The following GMDS variants were observed in gnomAD, a reference collection of about 807,000 sequenced individuals.
GMDS encodes GDP-mannose 4,6-dehydratase, also known as GDP-mannose 4,6 dehydratase.
Under a neutral mutation model 49.9 loss-of-function variants are expected in GMDS, and 20 were observed. That is an observed-to-expected ratio of 0.40 (90% confidence interval 0.28 to 0.58). The LOEUF (loss-of-function observed/expected upper bound fraction) is 0.58, where lower values mean the gene tolerates loss of function less well. Among genes scored for constraint, GMDS ranks in the 20% least tolerant of loss-of-function variants. GMDS has a pLI of 0.42. For synonymous variants in GMDS, 177 were observed against 178.6 expected (o/e 0.99, Z 0.07); for missense variants, 362 against 481.4 (o/e 0.75, Z 2.32).
chr6:1,654,435 GAAGACA>G (rs1763807338), intron 9 of GMDS, among the ~76,000 whole-genome samples: 1 of 152,222 alleles, frequency 6.6e-6, no homozygotes, highest in African/African-American at 2.4e-5. Flanking sequence ...CCTTAAGGAG[GAAGACA>G]ATTTTGACAC....
chr6:1,666,622 C>T (rs1764247162), intron 9 of GMDS, among the ~76,000 whole-genome samples: 1 of 152,144 alleles, frequency 6.6e-6, no homozygotes, highest in Admixed American at 6.5e-5. Context: ...GTGGTGTGAT[C>T]ACTAATGGAA....
At chr6:1,683,022 C>T (rs1304711398) in intron 9 of GMDS, among the ~76,000 whole-genome samples, 2 of 72,364 alleles carry the variant, frequency 2.8e-5, no homozygotes, top group Non-Finnish European at 7.8e-5. Context: ...AAACCACGCA[C>T]GTGGGTGAGC....
At chr6:1,738,206 TACAC>T (rs756223878) in intron 8 of GMDS, among the ~76,000 whole-genome samples, 128 of 151,182 alleles carry the variant, frequency 8.5e-4, no homozygotes, top group African/African-American at 2.8e-3. Flanking sequence ...CACACACACA[TACAC>T]ACACACAGAT....
At chr6:1,816,398 G>A (rs9378314) in intron 7 of GMDS, among the ~76,000 whole-genome samples, 28,749 of 152,076 alleles carry the variant, frequency 0.19, 3,571 homozygotes, top group African/African-American at 0.35. Flanking sequence ...TTTATGACTG[G>A]ATTCCAATTT....
intron 1 of GMDS, among the ~76,000 whole-genome samples, chr6:2,181,012 A>G (rs56913552): frequency 0.11 from 16,558 of 151,772 alleles, 2,993 homozygotes; most frequent in African/African-American, 0.38. Context: ...CTAAAAATAC[A>G]AAAAATTAGC....
intron 9 of GMDS, among the ~76,000 whole-genome samples, chr6:1,666,533 A>G (rs898606584): frequency 6.6e-6 from 1 of 152,302 alleles, no homozygotes; most frequent in South Asian, 2.1e-4. Context: ...TATACACTCA[A>G]TGATCCAAAG....
intron 7 of GMDS, among the ~76,000 whole-genome samples, chr6:1,824,978 C>A (rs1191300557): frequency 1.3e-5 from 2 of 152,196 alleles, no homozygotes; most frequent in Non-Finnish European, 2.9e-5. Flanking sequence ...GTGCCTTACA[C>A]ATAGTAGGTG....
In GMDS at chr6:2,182,798, C is replaced by T. The variant is rs531826571; in HGVS notation, c.103-58067G>A. Among the ~76,000 whole-genome samples, 10 of 152,226 alleles carry T rather than the reference C, an allele frequency of 6.6e-5. No homozygotes were observed. The East Asian group carries it at 9.7e-4, about 15-fold the overall frequency. On this transcript the variant is annotated intron_variant, in intron 1 of 10. Transcript: ENST00000380815. ...TAAACTCACTGCATCCTCTACCTCGCGGGCTCAAGTCATCCTCCCACCTCA... is the reference window on the plus strand; with the variant it reads ...TAAACTCACTGCATCCTCTACCTCGTGGGCTCAAGTCATCCTCCCACCTCA...
At chr6:1,916,113 A>G (rs1329555296) in intron 7 of GMDS, among the ~76,000 whole-genome samples, 3 of 152,200 alleles carry the variant, frequency 2.0e-5, no homozygotes, top group Non-Finnish European at 2.9e-5. Context: ...ATTTTTCAAT[A>G]TACAATCATG....
intron 9 of GMDS, among the ~76,000 whole-genome samples, chr6:1,674,560 C>CTTTTTTTTTTTTTTTTTTTT (rs869292549): frequency 5.4e-5 from 4 of 73,438 alleles, no homozygotes; most frequent in African/African-American, 1.3e-4. Flanking sequence ...CTCTCTCTCT[C>CTTTTTTTTTTTTTTTTTTTT]TTTTTTTTTT....
chr6:2,215,518 G>A (rs1780288018), intron 1 of GMDS, among the ~76,000 whole-genome samples: 1 of 142,952 alleles, frequency 7.0e-6, no homozygotes, highest in South Asian at 2.4e-4. Context: ...TCTCCCACCG[G>A]GTCCTTCCCA....
intron 4 of GMDS, among the ~76,000 whole-genome samples, chr6:2,010,917 C>G (rs555395145): frequency 6.6e-6 from 1 of 152,060 alleles, no homozygotes; most frequent in South Asian, 2.1e-4. Flanking sequence ...ATAATACTGT[C>G]TACAAATAGA....
At chr6:2,113,588 G>A (rs780461879) in intron 4 of GMDS, among the ~76,000 whole-genome samples, 33 of 151,932 alleles carry the variant, frequency 2.2e-4, no homozygotes, top group African/African-American at 5.6e-4. Flanking sequence ...TTCCCGCTAC[G>A]TCTGTAACTC....
intron 7 of GMDS, among the ~76,000 whole-genome samples, chr6:1,875,580 A>G (rs900375589): frequency 6.6e-6 from 1 of 152,212 alleles, no homozygotes; most frequent in Admixed American, 6.5e-5. Flanking sequence ...TAATATTCTT[A>G]TCACTATTCT....
chr6:1,763,211 G>C (rs1166131823), intron 7 of GMDS, among the ~76,000 whole-genome samples: 1 of 152,222 alleles, frequency 6.6e-6, no homozygotes, highest in African/African-American at 2.4e-5. Context: ...AACGTGAAAA[G>C]AAACCAGTGT....
rs1245813757 is a variant in GMDS at position 2,021,522 on chromosome 6, A to G, written c.346-60556T>C. Among the ~76,000 whole-genome samples, 7 of 152,200 alleles carry G rather than the reference A, an allele frequency of 4.6e-5. No homozygotes were observed. The East Asian group carries it at 5.8e-4, about 13-fold the overall frequency. On this transcript the variant is annotated intron_variant, in intron 4 of 10. Transcript: ENST00000380815. ...AAAAACTTAAGCATTCAATCACTAG[A>G]AACAATAAATGCATAAGTAAAGATA... is the stretch of plus-strand genomic sequence containing the variant.
chr6:2,226,922 G>T (rs1297412479), intron 1 of GMDS, among the ~76,000 whole-genome samples: 2 of 152,240 alleles, frequency 1.3e-5, no homozygotes, highest in Middle Eastern at 3.4e-3. Flanking sequence ...AATCATCCAG[G>T]AATGATTCCA....
At chr6:2,118,043 G>C (rs895839481) in intron 2 of GMDS, among the ~76,000 whole-genome samples, 4 of 152,182 alleles carry the variant, frequency 2.6e-5, no homozygotes, top group Non-Finnish European at 5.9e-5. Flanking sequence ...TCAGAGAGCA[G>C]ATGTTACTAT....
At chr6:1,717,927 T>G (rs191875337) in intron 9 of GMDS, among the ~76,000 whole-genome samples, 60 of 152,294 alleles carry the variant, frequency 3.9e-4, no homozygotes, top group African/African-American at 1.3e-3. Context: ...AACTCAGTTT[T>G]TCTTGGATTG....
Sources: gnomAD v4.1 joint callset for allele counts (sites outside exome capture counted in the v4.1 genomes callset) on GRCh38, gnomAD v4.1.1 for gene constraint, MANE v1.5 for transcripts, NCBI Gene and HGNC (gene_info 2026-07-23, HGNC 2026-07-21) for gene names.